The following KCNG4 variants were observed in gnomAD, a reference collection of about 807,000 sequenced individuals.
KCNG4 encodes the protein potassium voltage-gated channel modifier subfamily G member 4, also known as voltage-gated potassium channel regulatory subunit KCNG4.
A neutral mutation model predicts 28.2 loss-of-function variants in KCNG4; 30 were observed. That is an observed-to-expected ratio of 1.06 (90% confidence interval 0.80 to 1.44). The LOEUF (loss-of-function observed/expected upper bound fraction) is 1.44. Among genes scored for constraint, KCNG4 ranks in the 40% most tolerant of loss-of-function variants. KCNG4 has a pLI of 0.00. For missense variants in KCNG4, 879 were observed against 712.3 expected, an observed-to-expected ratio of 1.23 and a Z score of -2.66; for synonymous variants, 375 against 315.5, an observed-to-expected ratio of 1.19 and a Z score of -2.00.
chr16:84,235,185 A>T (rs910340588), intron 2 of KCNG4, among the ~76,000 whole-genome samples: 7 of 152,132 alleles, frequency 4.6e-5, no homozygotes, highest in African/African-American at 1.2e-4. Context: ...TCAAAGCATT[A>T]GGTTTTGAAA....
chr16:84,228,766 G>A (rs1904756070), intron 2 of KCNG4, among the ~76,000 whole-genome samples: 1 of 152,252 alleles, frequency 6.6e-6, no homozygotes, highest in African/African-American at 2.4e-5. Context: ...GTGAAGTGGG[G>A]AAGGTAACTG....
At position 84,222,457 on chromosome 16, in the gene KCNG4, C is replaced by T. The variant is rs773347390; in HGVS notation, c.1320G>A (p.Leu440=). Residue 440 remains leucine (L), a synonymous_variant, in exon 3 of 3, where the codon CTG becomes CTA. Transcript: ENST00000308251. The part of the protein sequence containing the change: ...PGQMVALSSI[L]SGILIMAFPA... ...GGAAGGCCATGATGAGGATCCCGCTCAGGATGCTGCTGAGGGCCACCATCT... is the reference window on the plus strand; with the variant it reads ...GGAAGGCCATGATGAGGATCCCGCTTAGGATGCTGCTGAGGGCCACCATCT... The T allele has an allele frequency of 1.9e-6, 3 of 1,613,906 alleles. No individual in the cohort carries two copies. Among genetic ancestry groups the T allele is most frequent in the African/African-American group, 2.7e-5 (2 of 74,904 alleles).
chr16:84,225,450 G>C (rs1188557868), intron 2 of KCNG4, among the ~76,000 whole-genome samples: 1 of 152,162 alleles, frequency 6.6e-6, no homozygotes, highest in African/African-American at 2.4e-5. Context: ...GCAGATTCTT[G>C]GGCCCCCATC....
In KCNG4 at chr16:84,236,470, C is replaced by T. The variant is rs148715248; in HGVS notation, c.756+260G>A. On this transcript the variant is annotated intron_variant, in intron 2 of 2. Transcript: ENST00000308251. The stretch of plus-strand genomic sequence containing the variant: ...GTGTCTGTGTGGCCCACTGAGTCCA[C>T]GCATGGCTGAGGGCCACGTAATGAT... 3,097 of 543,224 alleles carry T rather than the reference C, an allele frequency of 5.7e-3. 18 individuals carry two copies. Among genetic ancestry groups the T allele is most frequent in the East Asian group, 0.014 (457 of 32,570 alleles). 33.7% of individuals were successfully genotyped at this position (543,224 alleles called of 1,614,324 possible). A position where few individuals can be genotyped will look rare whatever the true frequency, so the allele number is the denominator to read the frequency against.
intron 2 of KCNG4, among the ~76,000 whole-genome samples, chr16:84,227,541 C>T (rs1354302019): frequency 6.6e-6 from 1 of 152,256 alleles, no homozygotes; most frequent in Non-Finnish European, 1.5e-5. Context: ...TGTGCCACTG[C>T]ACTGCAGCCT....
chr16:84,221,792 AG>A lies in KCNG4; in HGVS notation c.*424del, dbSNP rs1180587282. 5.5e-6 allele frequency: 1 copy of A among 180,904 alleles called. No individual in the cohort carries two copies. Among genetic ancestry groups the A allele is most frequent in the African/African-American group, 2.4e-5 (1 of 41,776 alleles). The allele number at this position is 180,904 out of a possible 1,614,324, so 11.2% of individuals were successfully genotyped here. ...TGCAGTGACTGGACCTTTGATTTCC[AG>A]TGGTGGCATGGCCCAGGAAGGAGGG... On this transcript the variant is annotated 3_prime_UTR_variant, in exon 3 of 3. Transcript: ENST00000308251.
At position 84,220,452 on chromosome 16, in the gene KCNG4, G is replaced by A. The variant is rs1384778446; in HGVS notation, c.*1765C>T. On this transcript the variant is annotated 3_prime_UTR_variant, in exon 3 of 3. Coordinates refer to ENST00000308251, the MANE Select transcript of KCNG4 (RefSeq NM_172347.3). ...TTCCTGGGCCAGAGCCCTCTGCCAC[G>A]CTGCTGTCTGGCATTGCCATCAGTG... The A allele has an allele frequency of 1.3e-5, 2 of 152,258 alleles. No individual in the cohort carries two copies. Among genetic ancestry groups the A allele is most frequent in the Non-Finnish European group, 1.5e-5 (1 of 68,050 alleles). 9.4% of individuals were successfully genotyped at this position (152,258 alleles called of 1,614,324 possible).
At chr16:84,236,552 AG>A in intron 2 of KCNG4, 177 bp downstream of exon 2, 1 of 845,700 alleles carries the variant, frequency 1.2e-6, no homozygotes, top group Admixed American at 3.2e-5. Context: ...AAAAAAAAAA[AG>A]ATGGAAAATT....
intron 2 of KCNG4, among the ~76,000 whole-genome samples, chr16:84,233,586 C>T (rs986434849): frequency 1.3e-5 from 2 of 152,054 alleles, no homozygotes; most frequent in African/African-American, 4.8e-5. Context: ...CACCTGTAGT[C>T]CCAGCTACCT....
rs1904620379 is a variant in KCNG4 at position 84,223,158 on chromosome 16, C to A, written c.757-138G>T. ...CAGAACCTCCTTTTACACAGTTTTC[C>A]AGTTGTGGCTGGGTACACAGCAGAT... is the stretch of plus-strand genomic sequence containing the variant. On this transcript the variant is annotated intron_variant, in intron 2 of 2. Coordinates refer to ENST00000308251, the MANE Select transcript of KCNG4 (RefSeq NM_172347.3). The A allele has an allele frequency of 6.5e-5, 46 of 709,978 alleles. No individual in the cohort carries two copies. In the South Asian group the frequency reaches 8.9e-4, roughly 14 times the overall value. 44.0% of individuals were successfully genotyped at this position (709,978 alleles called of 1,614,324 possible). A position where few individuals can be genotyped will look rare whatever the true frequency, so the allele number is the denominator to read the frequency against.
At position 84,237,352 on chromosome 16, in the gene KCNG4, C is replaced by T. The variant is rs199803012; in HGVS notation, c.134G>A (p.Arg45Gln). The T allele has an allele frequency of 1.3e-4, 210 of 1,566,716 alleles. No homozygotes were observed. The highest frequency in any genetic ancestry group is 1.7e-4 in the Non-Finnish European group (200 of 1,157,150). The change falls in exon 2 of 3, where the codon CGG (arginine) becomes CAG (glutamine). Residue 45 changes from arginine (R) to glutamine (Q), a missense_variant. By Grantham distance (43) the Arg-to-Gln change is conservative. Transcript: ENST00000308251. ...GGAGGCGTCCAGGGCACCCACCTTC[C>T]GCACCCTCCGGTAGTAAAGGCCCTT... ...SIKGLYYRRV[R>Q]KVGALDASPV...
In KCNG4 at chr16:84,222,934, A is replaced by G. The variant is rs1165989606; in HGVS notation, c.843T>C (p.Phe281=). ...ACTGACACTTGTCTTGGGCCTGGAC[A>G]AACCGCAGGCAGAACTCCAGGGAGA... ...AWFSLEFCLR[F]VQAQDKCQFF... is the part of the protein sequence containing the mutation. The change falls in exon 3 of 3, where the codon TTT becomes TTC. Residue 281 remains phenylalanine (F), a synonymous_variant. Coordinates refer to ENST00000308251, the MANE Select transcript of KCNG4 (RefSeq NM_172347.3). 6.3e-7 allele frequency: 1 copy of G among 1,598,452 alleles called. No homozygotes were observed. The highest frequency in any genetic ancestry group is 1.1e-5 in the South Asian group (1 of 89,064).
chr16:84,236,719 A>G lies in KCNG4; in HGVS notation c.756+11T>C. 1 of 1,598,696 alleles carries G rather than the reference A, an allele frequency of 6.3e-7. No homozygotes were observed. Among genetic ancestry groups the G allele is most frequent in the East Asian group, 2.2e-5 (1 of 44,572 alleles). ...GGGATGGAGCCGTGAATGCCATCAG[A>G]GGCCGCTCACCTGGTCCTCCTCTGC... On this transcript the variant is annotated intron_variant, in intron 2 of 2. Transcript: ENST00000308251.
At chr16:84,223,160 G>T in intron 2 of KCNG4, 140 bp from the exon 3 acceptor site, 1 of 706,104 alleles carries the variant, frequency 1.4e-6, no homozygotes. Context: ...CAGTTTTCCA[G>T]TTGTGGCTGG....
chr16:84,233,601 G>A (rs1246262193), intron 2 of KCNG4, among the ~76,000 whole-genome samples: 2 of 152,144 alleles, frequency 1.3e-5, no homozygotes, highest in African/African-American at 2.4e-5. Context: ...CTACCTGGGG[G>A]GTTGAGGTGG....
intron 2 of KCNG4, among the ~76,000 whole-genome samples, chr16:84,234,664 G>C (rs756697164): frequency 6.6e-6 from 1 of 152,180 alleles, no homozygotes; most frequent in South Asian, 2.1e-4. Context: ...CACCCATCGT[G>C]ACATTAATTC....
At chr16:84,228,114 CA>C (rs1366722580) in intron 2 of KCNG4, among the ~76,000 whole-genome samples, 36 of 152,212 alleles carry the variant, frequency 2.4e-4, no homozygotes, top group Non-Finnish European at 1.0e-4. Flanking sequence ...TTTCACGCAG[CA>C]GCAGAGCGGG....
intron 2 of KCNG4, among the ~76,000 whole-genome samples, chr16:84,232,891 C>T (rs1158896218): frequency 2.1e-5 from 2 of 93,566 alleles, no homozygotes; most frequent in Non-Finnish European, 4.3e-5. Context: ...AGAGTGAAAC[C>T]CTATCAAAAA....
Position 84,222,444 on chromosome 16 carries a change from T to G in KCNG4, c.1333A>C (p.Ile445Leu). 6.2e-7 allele frequency: 1 copy of G among 1,614,072 alleles called. No individual in the cohort carries two copies. The highest frequency in any genetic ancestry group is 8.5e-7 in the Non-Finnish European group (1 of 1,180,018). ...ALSSILSGIL[I>L]MAFPATSIFH... is the part of the protein sequence containing the mutation. ...ATAGACGTGGCCGGGAAGGCCATGA[T>G]GAGGATCCCGCTCAGGATGCTGCTG... The change falls in exon 3 of 3, where the codon ATC (isoleucine) becomes CTC (leucine). Residue 445 changes from isoleucine to leucine, a missense_variant. Ile to Leu is a conservative substitution (Grantham distance 5). Transcript: ENST00000308251.
Sources: allele counts gnomAD v4.1 joint callset (sites outside exome capture counted in the v4.1 genomes callset), GRCh38; gene constraint gnomAD v4.1.1; transcripts MANE v1.5; gene names NCBI Gene and HGNC (gene_info 2026-07-23, HGNC 2026-07-21).